Variants in TSC22D1 observed in about 807,000 individuals in gnomAD.
TSC22D1 encodes TSC22 domain family protein 1.
Under a neutral mutation model 74.2 loss-of-function variants are expected in TSC22D1, and 9 were observed. The ratio of observed to expected loss-of-function variants is 0.12; its 90% CI spans 0.07 to 0.21. The LOEUF is 0.21. TSC22D1 is among the 10% of genes least tolerant of loss of function. The pLI, the probability that TSC22D1 is intolerant of heterozygous loss-of-function variation, is 1.00. For synonymous variants in TSC22D1, 586 were observed against 492.5 expected, an observed-to-expected ratio of 1.19 and a Z score of -2.51; for missense variants, 1,427 against 1,304.7, an observed-to-expected ratio of 1.09 and a Z score of -1.44.
intron 1 of TSC22D1, among the ~76,000 whole-genome samples, chr13:44,469,959 G>A (rs1242280938): frequency 6.6e-6 from 1 of 152,136 alleles, no homozygotes. Flanking sequence ...GATGAGGGGG[G>A]AAATATGATG....
chr13:44,570,339 C>A (rs553657381), intron 1 of TSC22D1, among the ~76,000 whole-genome samples: 6 of 151,820 alleles, frequency 4.0e-5, no homozygotes, highest in African/African-American at 1.2e-4. Context: ...TACAGGCATG[C>A]GCCACCATGC....
chr13:44,450,462 C>A (rs1454258564), intron 1 of TSC22D1, among the ~76,000 whole-genome samples: 2 of 152,174 alleles, frequency 1.3e-5, no homozygotes, highest in African/African-American at 2.4e-5. Flanking sequence ...GTCACTCTGA[C>A]CACAATGTAT....
intron 1 of TSC22D1, among the ~76,000 whole-genome samples, chr13:44,508,189 T>C (rs1879524632): frequency 6.6e-6 from 1 of 152,206 alleles, no homozygotes; most frequent in Non-Finnish European, 1.5e-5. Flanking sequence ...CTATGTAAAA[T>C]AGCAATATTA....
At chr13:44,454,203 G>A (rs1368282231) in intron 1 of TSC22D1, among the ~76,000 whole-genome samples, 1 of 152,136 alleles carries the variant, frequency 6.6e-6, no homozygotes, top group Non-Finnish European at 1.5e-5. Context: ...TAGATTGGGG[G>A]AGGGGGACAG....
rs1379356987 is a variant in TSC22D1 at position 44,574,331 on chromosome 13, C to T, written c.1744G>A (p.Val582Ile). The change falls in exon 1 of 3, where the codon GTA becomes ATA. Residue 582 changes from valine (V) to isoleucine (I), a missense_variant. By Grantham distance (29) the Val-to-Ile change is conservative. Coordinates refer to ENST00000458659, the MANE Select transcript of TSC22D1 (RefSeq NM_183422.4). Reference protein sequence around the residue: ...SAATGIQPSPVNVVGVTSALG... With the variant: ...SAATGIQPSPINVVGVTSALG... The stretch of plus-strand genomic sequence containing the variant: ...GCTGAAGTTACACCAACCACATTTA[C>T]AGGCGATGGCTGGATACCAGTTGCA... 1.2e-6 allele frequency: 2 copies of T among 1,614,144 alleles called. No homozygotes were observed. The highest frequency in any genetic ancestry group is 2.7e-5 in the African/African-American group (2 of 74,942).
At chr13:44,531,947 A>G (rs186779690) in intron 1 of TSC22D1, among the ~76,000 whole-genome samples, 3,516 of 151,826 alleles carry the variant, frequency 0.023, 74 homozygotes, top group Non-Finnish European at 0.034. Flanking sequence ...ACTAATTTTA[A>G]TTATGTTACT....
chr13:44,517,747 G>GTA (rs1566149557), intron 1 of TSC22D1, among the ~76,000 whole-genome samples: 1 of 61,888 alleles, frequency 1.6e-5, no homozygotes, highest in Non-Finnish European at 3.5e-5. Flanking sequence ...ACATATATAC[G>GTA]TATATATGTG....
intron 1 of TSC22D1, among the ~76,000 whole-genome samples, chr13:44,564,859 GAA>G (rs1303270476): frequency 2.0e-5 from 3 of 151,454 alleles, no homozygotes; most frequent in Non-Finnish European, 2.9e-5. Flanking sequence ...AATAAGGATG[GAA>G]AAAAAAGATG....
chr13:44,487,513 AAAAAAAAAAAAAAAG>A (rs1404091453), intron 1 of TSC22D1, among the ~76,000 whole-genome samples: 6 of 148,278 alleles, frequency 4.0e-5, no homozygotes, highest in Non-Finnish European at 7.5e-5. Flanking sequence ...AAAAAAAAAA[AAAAAAAAAAAAAAAG>A]AAAAGAAAAA....
chr13:44,501,706 T>C (rs906338616), intron 1 of TSC22D1, among the ~76,000 whole-genome samples: 3 of 152,124 alleles, frequency 2.0e-5, no homozygotes, highest in East Asian at 3.9e-4. Flanking sequence ...AATAAACACA[T>C]GAAAAGCTAA....
intron 1 of TSC22D1, among the ~76,000 whole-genome samples, chr13:44,548,904 A>G (rs960542237): frequency 9.2e-5 from 14 of 152,190 alleles, no homozygotes; most frequent in African/African-American, 2.7e-4. Context: ...TCATAATTTA[A>G]TAAGTTTTAT....
intron 1 of TSC22D1, among the ~76,000 whole-genome samples, chr13:44,458,921 G>A (rs915924854): frequency 6.6e-6 from 1 of 152,142 alleles, no homozygotes; most frequent in South Asian, 2.1e-4. Flanking sequence ...CCCTCAGTAC[G>A]AACAGCCTGG....
rs1475290198 is a variant in TSC22D1, at chr13:44,432,566, A to G, written c.*2060T>C. The stretch of plus-strand genomic sequence containing the variant: ...GTGAGCCATCCATCATTTCAACAGG[A>G]TGCCCGTGTCACCACTTTATAACAC... On this transcript the variant is annotated 3_prime_UTR_variant, in exon 3 of 3. Coordinates refer to ENST00000458659, the MANE Select transcript of TSC22D1 (RefSeq NM_183422.4). The G allele has an allele frequency of 6.7e-6, 1 of 149,158 alleles. No homozygotes were observed. The highest frequency in any genetic ancestry group is 2.0e-4 in the East Asian group (1 of 5,018). 9.2% of individuals were successfully genotyped at this position (149,158 alleles called of 1,614,324 possible).
At chr13:44,555,532 C>T (rs1239956449) in intron 1 of TSC22D1, among the ~76,000 whole-genome samples, 2 of 151,950 alleles carry the variant, frequency 1.3e-5, no homozygotes, top group African/African-American at 2.4e-5. Flanking sequence ...CTTGAACCCA[C>T]GAGGTGGAGG....
chr13:44,495,900 A>T (rs1878950905), intron 1 of TSC22D1, among the ~76,000 whole-genome samples: 1 of 152,250 alleles, frequency 6.6e-6, no homozygotes, highest in South Asian at 2.1e-4. Flanking sequence ...CTTAGAGCAA[A>T]ACATAGAGTG....
At chr13:44,525,062 T>A (rs1880484035) in intron 1 of TSC22D1, among the ~76,000 whole-genome samples, 3 of 152,146 alleles carry the variant, frequency 2.0e-5, no homozygotes. Flanking sequence ...CCAAGTGGAA[T>A]AAGGAAAATA....
chr13:44,564,399 G>A (rs1181007278), intron 1 of TSC22D1, among the ~76,000 whole-genome samples: 1 of 152,158 alleles, frequency 6.6e-6, no homozygotes, highest in Admixed American at 6.5e-5. Flanking sequence ...CTATTAAACA[G>A]TTATTAACAA....
chr13:44,549,835 G>C lies in TSC22D1; in HGVS notation c.2912+23328C>G, dbSNP rs917532831. 7.4e-5 allele frequency among the ~76,000 whole-genome samples: 11 copies of C among 149,546 alleles called. No individual in the cohort carries two copies. In the East Asian group the frequency reaches 2.1e-3, roughly 29 times the overall value. ...GCAAGAACAGCAAGCAAGCAACCAA[G>C]CTAGCTGTGTCTGTCAACTACTCAT... On this transcript the variant is annotated intron_variant, in intron 1 of 2. Transcript: ENST00000458659.
At chr13:44,577,336 G>A (rs966889544), upstream of TSC22D1, among the ~76,000 whole-genome samples, 31 of 152,196 alleles carry the variant, frequency 2.0e-4, no homozygotes, top group African/African-American at 5.5e-4. Context: ...CGGGAGGGGA[G>A]GGACCAGCGC....
Sources: allele counts gnomAD v4.1 joint callset (sites outside exome capture counted in the v4.1 genomes callset), GRCh38; gene constraint gnomAD v4.1.1; transcripts MANE v1.5; gene names NCBI Gene and HGNC (gene_info 2026-07-23, HGNC 2026-07-21).